The following GJB7 variants were observed in gnomAD, a reference collection of about 807,000 sequenced individuals.
GJB7 encodes the protein gap junction protein beta 7.
For synonymous variants in GJB7, 87 were observed against 95.2 expected (o/e 0.91, Z 0.50); for missense variants, 253 against 256.8 (o/e 0.99, Z 0.10).
At chr6:87,307,643 C>T (rs1776452437) in intron 2 of GJB7, among the ~76,000 whole-genome samples, 1 of 152,176 alleles carries the variant, frequency 6.6e-6, no homozygotes, top group Non-Finnish European at 1.5e-5. Flanking sequence ...CATCACTGGA[C>T]ATCAGAGAAA....
intron 2 of GJB7, among the ~76,000 whole-genome samples, chr6:87,305,016 G>A (rs1371638344): frequency 6.6e-6 from 1 of 152,194 alleles, no homozygotes; most frequent in African/African-American, 2.4e-5. Flanking sequence ...GGTATTGATT[G>A]GACGTATCTC....
intron 2 of GJB7, among the ~76,000 whole-genome samples, chr6:87,301,234 C>T (rs569838667): frequency 9.9e-5 from 15 of 152,210 alleles, no homozygotes; most frequent in East Asian, 3.9e-4. Context: ...GGTGAGGCAT[C>T]GCCTCACCCG....
intron 2 of GJB7, among the ~76,000 whole-genome samples, chr6:87,308,566 G>A (rs1005339835): frequency 1.3e-5 from 2 of 151,974 alleles, no homozygotes; most frequent in Non-Finnish European, 1.5e-5. Flanking sequence ...AGACATTTGG[G>A]GCATAATGAA....
intron 2 of GJB7, among the ~76,000 whole-genome samples, chr6:87,305,658 C>T (rs1193325982): frequency 6.6e-6 from 1 of 152,148 alleles, no homozygotes; most frequent in African/African-American, 2.4e-5. Context: ...ACATTCTTCA[C>T]AGAATTGGAA....
intron 1 of GJB7, 95 bp downstream of exon 1, chr6:87,329,043 G>A (rs1280628731): frequency 1.3e-5 from 2 of 152,876 alleles, no homozygotes; most frequent in African/African-American, 4.8e-5. Flanking sequence ...CCTTTTCTTT[G>A]ACTAGGAGAG....
chr6:87,306,918 G>C (rs978137014), intron 2 of GJB7, among the ~76,000 whole-genome samples: 1 of 151,992 alleles, frequency 6.6e-6, no homozygotes, highest in African/African-American at 2.4e-5. Flanking sequence ...GTGAACTATC[G>C]CAAGAACAAG....
chr6:87,323,803 C>A lies in GJB7; in HGVS notation c.-205-760G>T, dbSNP rs58345266. 1.8e-3 allele frequency among the ~76,000 whole-genome samples: 272 copies of A among 152,058 alleles called. 1 individual carries two copies. The highest frequency in any genetic ancestry group is 6.4e-3 in the African/African-American group (264 of 41,466). On this transcript the variant is annotated intron_variant, in intron 1 of 2. Transcript: ENST00000525899. ...GGGTATATACCCAGTAATGGGATGG[C>A]TGGGTCAAATGGTATTTCTAGTTCT...
chr6:87,319,282 C>T (rs892634529), intron 2 of GJB7, among the ~76,000 whole-genome samples: 10 of 152,314 alleles, frequency 6.6e-5, no homozygotes, highest in Admixed American at 4.6e-4. Context: ...AATGACTAAA[C>T]ACGTCCTATC....
chr6:87,324,987 TC>T (rs1776781148), intron 1 of GJB7, among the ~76,000 whole-genome samples: 2 of 152,096 alleles, frequency 1.3e-5, no homozygotes, highest in Admixed American at 1.3e-4. Flanking sequence ...GTCCTTCACA[TC>T]CCTTGTAAGT....
intron 2 of GJB7, among the ~76,000 whole-genome samples, chr6:87,290,735 A>T (rs1289362952): frequency 2.6e-5 from 4 of 152,182 alleles, no homozygotes; most frequent in Admixed American, 2.0e-4. Context: ...TGTAAATAAC[A>T]CTTTTTGAGA....
chr6:87,292,935 C>T (rs1776199684), intron 2 of GJB7, among the ~76,000 whole-genome samples: 1 of 152,256 alleles, frequency 6.6e-6, no homozygotes, highest in Non-Finnish European at 1.5e-5. Flanking sequence ...CACAGGTTCT[C>T]TCTGGTTGCT....
chr6:87,301,664 G>C (rs1336573134), intron 2 of GJB7, among the ~76,000 whole-genome samples: 1 of 152,200 alleles, frequency 6.6e-6, no homozygotes, highest in African/African-American at 2.4e-5. Context: ...GTCCCTGTCT[G>C]ACAGCTTTGA....
intron 1 of GJB7, among the ~76,000 whole-genome samples, chr6:87,328,542 C>T (rs565156070): frequency 1.3e-5 from 2 of 150,394 alleles, no homozygotes; most frequent in Non-Finnish European, 2.9e-5. Context: ...CTGCTGGAGG[C>T]TGCCTCCCAG....
intron 2 of GJB7, among the ~76,000 whole-genome samples, chr6:87,292,768 T>C (rs60601495): frequency 5.3e-4 from 80 of 152,360 alleles, no homozygotes; most frequent in Middle Eastern, 3.4e-3. Flanking sequence ...CTTCATTCCT[T>C]CATTTTAGAG....
chr6:87,306,661 C>G, intron 2 of GJB7, among the ~76,000 whole-genome samples: 1 of 151,992 alleles, frequency 6.6e-6, no homozygotes, highest in East Asian at 1.9e-4. Flanking sequence ...TTGACCCAGC[C>G]ATCCCATTAC....
intron 1 of GJB7, among the ~76,000 whole-genome samples, chr6:87,328,265 C>A (rs575467201): frequency 6.6e-6 from 1 of 151,638 alleles, no homozygotes; most frequent in Admixed American, 6.6e-5. Context: ...CAAAGTCATT[C>A]TCCGTCCAAC....
chr6:87,286,181 A>C (rs1776056633), intron 2 of GJB7, among the ~76,000 whole-genome samples: 1 of 151,938 alleles, frequency 6.6e-6, no homozygotes, highest in Admixed American at 6.6e-5. Flanking sequence ...ACTCTCCCTA[A>C]ACCTACACAG....
chr6:87,314,783 A>G (rs1373542415), intron 2 of GJB7, among the ~76,000 whole-genome samples: 1 of 152,222 alleles, frequency 6.6e-6, no homozygotes, highest in Non-Finnish European at 1.5e-5. Flanking sequence ...TCTTTAATAT[A>G]TCTGGGAATC....
At chr6:87,324,705 A>T (rs1027415395) in intron 1 of GJB7, among the ~76,000 whole-genome samples, 1 of 151,772 alleles carries the variant, frequency 6.6e-6, no homozygotes, top group South Asian at 2.1e-4. Flanking sequence ...AGGTAGTGTG[A>T]TACCTCCAGC....
Sources: gnomAD v4.1 joint callset for allele counts (sites outside exome capture counted in the v4.1 genomes callset) on GRCh38, gnomAD v4.1.1 for gene constraint, MANE v1.5 for transcripts, NCBI Gene and HGNC (gene_info 2026-07-23, HGNC 2026-07-21) for gene names.